Variants in QDPR observed in about 807,000 individuals in gnomAD.
QDPR encodes quinoid dihydropteridine reductase.
In QDPR, 23 loss-of-function variants were observed where a neutral mutation model predicts 31.7. The ratio of observed to expected loss-of-function variants is 0.73; its 90% CI spans 0.52 to 1.03. The LOEUF is 1.03. QDPR is among the 50% of genes least tolerant of loss of function. The probability of loss-of-function intolerance (pLI) is 0.00; values close to 1 mark genes in which losing one functional copy is unlikely to be tolerated. For missense variants in QDPR, 324 were observed against 323.8 expected (o/e 1.00, Z 0.00); for synonymous variants, 124 against 124.7 (o/e 0.99, Z 0.03).
chr4:17,510,431 G>T (rs1718965297), intron 1 of QDPR, among the ~76,000 whole-genome samples: 1 of 152,214 alleles, frequency 6.6e-6, no homozygotes, highest in Admixed American at 6.5e-5. Context: ...CTCTTGGTCT[G>T]AAGTCCCCAG....
chr4:17,491,437 G>C (rs1718161164), intron 5 of QDPR, among the ~76,000 whole-genome samples: 1 of 152,174 alleles, frequency 6.6e-6, no homozygotes, highest in South Asian at 2.1e-4. Flanking sequence ...CTTCCAGCGA[G>C]AAGGAGTAGC....
Position 17,512,090 on chromosome 4 carries a change from T to A in QDPR, c.-36A>T. ...CCAGCCCGGCTCCCGCAGCTCCGAA[T>A]GCCTCGAGCCGGAGCGCCGCGCCCC... On this transcript the variant is annotated 5_prime_UTR_variant, in exon 1 of 7. Transcript: ENST00000281243. The A allele has an allele frequency of 1.3e-6, 2 of 1,497,276 alleles. No homozygotes were observed. Among genetic ancestry groups the A allele is most frequent in the South Asian group, 1.2e-5 (1 of 80,502 alleles). The allele number at this position is 1,497,276 out of a possible 1,614,324, so 92.7% of individuals were successfully genotyped here. A position where few individuals can be genotyped will look rare whatever the true frequency, so the allele number is the denominator to read the frequency against.
At chr4:17,509,988 C>G (rs1444650061) in intron 1 of QDPR, 1 of 456,130 alleles carries the variant, frequency 2.2e-6, no homozygotes. Flanking sequence ...GCAATTGTAA[C>G]AGAACACAGC....
At chr4:17,488,200 A>C (rs1718035849) in intron 6 of QDPR, among the ~76,000 whole-genome samples, 1 of 151,908 alleles carries the variant, frequency 6.6e-6, no homozygotes, top group African/African-American at 2.4e-5. Context: ...GATCAAGGCT[A>C]GGGTAAGCCA....
chr4:17,502,781 T>TCAACGAAGGACTAAAACCACTGGG (rs1718617243), intron 3 of QDPR, among the ~76,000 whole-genome samples: 1 of 152,230 alleles, frequency 6.6e-6, no homozygotes, highest in Non-Finnish European at 1.5e-5. Context: ...GCAGAGATTA[T>TCAACGAAGGACTAAAACCACTGGG]CAACGAAGGA....
In QDPR at chr4:17,509,346, A is replaced by G. The variant is rs1259447273; in HGVS notation, c.123T>C (p.Asp41=). The change falls in exon 2 of 7, where the codon GAT becomes GAC. Residue 41 remains aspartate (D), a synonymous_variant. Coordinates refer to ENST00000281243, the MANE Select transcript of QDPR (RefSeq NM_000320.3). The part of the protein sequence containing the change: ...RARNWWVASV[D]VVENEEASAS... The stretch of plus-strand genomic sequence containing the variant: ...CGCTGGCCTCTTCATTCTCCACCAC[A>G]TCAACGCTGGCAACCCACTGGAAGG... 1 of 1,613,690 alleles carries G rather than the reference A, an allele frequency of 6.2e-7. No individual in the cohort carries two copies. Among genetic ancestry groups the G allele is most frequent in the Non-Finnish European group, 8.5e-7 (1 of 1,179,794 alleles).
chr4:17,487,312 G>A, intron 6 of QDPR, 76 bp from the exon 7 acceptor site: 1 of 1,132,622 alleles, frequency 8.8e-7, no homozygotes, highest in South Asian at 1.3e-5. Flanking sequence ...CACAGTGACG[G>A]CTTGTGGGGT....
intron 2 of QDPR, among the ~76,000 whole-genome samples, chr4:17,505,542 T>G (rs895198786): frequency 2.0e-5 from 3 of 152,196 alleles, no homozygotes; most frequent in Non-Finnish European, 1.5e-5. Flanking sequence ...CTACCACGCC[T>G]GGCCCAATCT....
intron 4 of QDPR, 27 bp downstream of exon 4, chr4:17,501,692 T>A (rs1718565711): frequency 1.2e-6 from 2 of 1,612,464 alleles, no homozygotes; most frequent in African/African-American, 2.7e-5. Flanking sequence ...GCAACCCCAC[T>A]CCACAGATAG....
At chr4:17,504,041 T>C (rs1246425836) in intron 3 of QDPR, among the ~76,000 whole-genome samples, 2 of 151,990 alleles carry the variant, frequency 1.3e-5, no homozygotes, top group Non-Finnish European at 2.9e-5. Flanking sequence ...AAATCTCAAG[T>C]TTGACTTCTT....
At chr4:17,504,283 A>G in intron 3 of QDPR, 96 bp downstream of exon 3, 1 of 1,050,644 alleles carries the variant, frequency 9.5e-7, no homozygotes, top group Non-Finnish European at 1.5e-6. Flanking sequence ...GATATACACA[A>G]AAAAACAGCT....
intron 4 of QDPR, among the ~76,000 whole-genome samples, chr4:17,496,442 CAAAAAA>C (rs747311750): frequency 1.7e-4 from 11 of 64,610 alleles, no homozygotes; most frequent in South Asian, 9.3e-4. Flanking sequence ...AAAACTGTCT[CAAAAAA>C]AAAAAAAAAA....
At chr4:17,510,293 G>A (rs959058820) in intron 1 of QDPR, among the ~76,000 whole-genome samples, 3 of 152,162 alleles carry the variant, frequency 2.0e-5, no homozygotes, top group African/African-American at 4.8e-5. Flanking sequence ...TTCTCACTCC[G>A]ATGCCGGGCA....
intron 4 of QDPR, among the ~76,000 whole-genome samples, chr4:17,493,271 C>T (rs1192244615): frequency 6.6e-6 from 1 of 152,142 alleles, no homozygotes; most frequent in Admixed American, 6.6e-5. Flanking sequence ...TAGTGGGACC[C>T]CATCTCTACA....
chr4:17,505,835 T>C (rs1718769063), intron 2 of QDPR, among the ~76,000 whole-genome samples: 1 of 152,200 alleles, frequency 6.6e-6, no homozygotes, highest in African/African-American at 2.4e-5. Flanking sequence ...GGGGGTATGG[T>C]GGAGAAGGTA....
intron 4 of QDPR, among the ~76,000 whole-genome samples, chr4:17,497,921 A>T (rs1560311188): frequency 1.3e-5 from 2 of 152,192 alleles, no homozygotes; most frequent in African/African-American, 4.8e-5. Context: ...TATTCGATGG[A>T]TATTTGCTGA....
At chr4:17,495,140 C>T (rs1029822601) in intron 4 of QDPR, among the ~76,000 whole-genome samples, 4 of 152,192 alleles carry the variant, frequency 2.6e-5, no homozygotes, top group Non-Finnish European at 5.9e-5. Flanking sequence ...CAGTCATCTG[C>T]GGCCCATCCG....
At chr4:17,507,594 TTTTC>T (rs1384328272) in intron 2 of QDPR, among the ~76,000 whole-genome samples, 5 of 124,296 alleles carry the variant, frequency 4.0e-5, no homozygotes, top group South Asian at 5.9e-4. Flanking sequence ...CATCAAAGAT[TTTTC>T]TTTCTTTTTT....
chr4:17,508,131 G>A (rs1355611873), intron 2 of QDPR, among the ~76,000 whole-genome samples: 1 of 152,186 alleles, frequency 6.6e-6, no homozygotes, highest in Non-Finnish European at 1.5e-5. Flanking sequence ...TTTTTAGAAT[G>A]TATCCTAAAT....
Sources: allele counts gnomAD v4.1 joint callset (sites outside exome capture counted in the v4.1 genomes callset), GRCh38; gene constraint gnomAD v4.1.1; transcripts MANE v1.5; gene names NCBI Gene and HGNC (gene_info 2026-07-23, HGNC 2026-07-21).